CYP4X1: variants seen among roughly 807,000 people sequenced by gnomAD.
CYP4X1 encodes cytochrome P450 family 4 subfamily X member 1.
CYP4X1 carries 44 observed loss-of-function variants against 57.9 expected under a neutral mutation model. That is an observed-to-expected ratio of 0.76 (90% CI 0.60 to 0.98). CYP4X1 has a LOEUF of 0.98. Ranked by LOEUF, CYP4X1 falls within the 50% of genes least tolerant of loss-of-function variation. CYP4X1 has a pLI of 0.00. For synonymous variants in CYP4X1, 227 were observed against 228.6 expected (o/e 0.99, Z 0.06); for missense variants, 532 against 623.9 (o/e 0.85, Z 1.57).
At chr1:46,961,759 G>A in the CYP4X1 span, 1 of 1,311,834 alleles carries the variant, frequency 7.6e-7, no homozygotes, top group Non-Finnish European at 1.0e-6. Flanking sequence ...GTGGATTGGT[G>A]AGTAAGCACC....
downstream of CYP4X1, among the ~76,000 whole-genome samples, chr1:47,053,680 A>G (rs1290158408): frequency 1.3e-5 from 2 of 152,142 alleles, no homozygotes; most frequent in Non-Finnish European, 2.9e-5. Context: ...GATGATGAGC[A>G]TTTTTTCATG....
At chr1:46,974,515 C>T in the CYP4X1 span, among the ~76,000 whole-genome samples, 6 of 152,054 alleles carry the variant, frequency 3.9e-5, no homozygotes, top group African/African-American at 1.2e-4. Context: ...TGTCCAATAT[C>T]GGCAGTGGGG....
chr1:47,009,287 G>A, the CYP4X1 span, among the ~76,000 whole-genome samples: 1 of 151,834 alleles, frequency 6.6e-6, no homozygotes, highest in South Asian at 2.1e-4. Context: ...CATGGAAACT[G>A]AACAACCTGC....
At chr1:47,031,780 G>A (rs1569620840) in intron 3 of CYP4X1, among the ~76,000 whole-genome samples, 1 of 152,272 alleles carries the variant, frequency 6.6e-6, no homozygotes, top group East Asian at 1.9e-4. Flanking sequence ...AGTGACTCAT[G>A]CATGTAATCC....
At position 47,033,369 on chromosome 1, in the gene CYP4X1, G is replaced by A; in HGVS notation, c.492+1G>A. On this transcript the variant is annotated splice_donor_variant, in intron 4 of 11. Transcript: ENST00000371901. LOFTEE classifies it high-confidence loss of function. The stretch of plus-strand genomic sequence containing the variant: ...GGCTCATTCTGTGAAAATGATGCTG[G>A]TAAGTAAAGGGGGAAAGTGCTCTGT... 1 of 1,613,644 alleles carries A rather than the reference G, an allele frequency of 6.2e-7. No individual in the cohort carries two copies.
chr1:46,986,538 A>C, the CYP4X1 span, among the ~76,000 whole-genome samples: 1 of 152,296 alleles, frequency 6.6e-6, no homozygotes, highest in East Asian at 1.9e-4. Flanking sequence ...AGAGAACACC[A>C]CAAAGATACT....
the CYP4X1 span, among the ~76,000 whole-genome samples, chr1:46,987,664 C>T: frequency 1.3e-5 from 2 of 152,098 alleles, no homozygotes; most frequent in Non-Finnish European, 2.9e-5. Flanking sequence ...TGCAAAAGAA[C>T]AGAAATCATA....
In CYP4X1 at chr1:47,023,775, C is replaced by A. The variant is rs1279827503; in HGVS notation, c.-43C>A. On this transcript the variant is annotated 5_prime_UTR_variant, in exon 1 of 12. Coordinates refer to ENST00000371901, the MANE Select transcript of CYP4X1 (RefSeq NM_178033.2). ...CGGGCGGGAGAAAGCCCACCCTCTC[C>A]CGCGCCCCAGGAAACCGCCGGCGTT... The A allele has an allele frequency of 6.3e-7, 1 of 1,591,610 alleles. No individual in the cohort carries two copies. The highest frequency in any genetic ancestry group is 1.3e-5 in the African/African-American group (1 of 74,482).
At chr1:47,025,282 C>T (rs1355671597) in intron 1 of CYP4X1, among the ~76,000 whole-genome samples, 1 of 152,218 alleles carries the variant, frequency 6.6e-6, no homozygotes, top group South Asian at 2.1e-4. Flanking sequence ...CTCCTGTTCA[C>T]TTCCACTATG....
At chr1:47,040,982 C>T (rs890495112) in intron 8 of CYP4X1, among the ~76,000 whole-genome samples, 3 of 152,078 alleles carry the variant, frequency 2.0e-5, no homozygotes, top group Non-Finnish European at 2.9e-5. Context: ...AACCACTGTT[C>T]TACTCTCTGC....
the CYP4X1 span, chr1:47,001,046 G>A: frequency 1.2e-3 from 286 of 232,900 alleles, 9 homozygotes; most frequent in South Asian, 0.016. Context: ...GCCACCTTAA[G>A]CTCGTTCATG....
intron 1 of CYP4X1, 76 bp downstream of exon 1, chr1:47,024,070 G>T (rs1247930301): frequency 6.7e-7 from 1 of 1,501,614 alleles, no homozygotes; most frequent in East Asian, 2.5e-5. Flanking sequence ...AGCCGGCAGA[G>T]AGACGCAGCT....
upstream of CYP4X1, among the ~76,000 whole-genome samples, chr1:47,021,956 C>A (rs977374590): frequency 2.0e-5 from 3 of 152,164 alleles, no homozygotes; most frequent in Admixed American, 6.5e-5. Context: ...AGCTCTGGGG[C>A]AGAGCATGGA....
chr1:46,977,878 C>G, the CYP4X1 span, among the ~76,000 whole-genome samples: 1 of 151,894 alleles, frequency 6.6e-6, no homozygotes, highest in Non-Finnish European at 1.5e-5. Context: ...CCAAACTAAG[C>G]TTCATAAGAG....
rs1644288216 is a variant in CYP4X1 at position 47,045,170 on chromosome 1, A to G, written c.1074-1297A>G. ...TGAGCTTGAGGAAGAAAGAATTCAA[A>G]ATTAAAATTTCACATTACCTAATGG... On this transcript the variant is annotated intron_variant, in intron 8 of 11. Transcript: ENST00000371901. 2.0e-5 allele frequency among the ~76,000 whole-genome samples: 3 copies of G among 152,194 alleles called. No individual in the cohort carries two copies. The South Asian group carries it at 6.2e-4, about 32-fold the overall frequency.
At chr1:47,038,989 T>C (rs987691091) in intron 7 of CYP4X1, among the ~76,000 whole-genome samples, 2 of 152,108 alleles carry the variant, frequency 1.3e-5, no homozygotes, top group African/African-American at 4.8e-5. Context: ...TTTGACAAGA[T>C]TTGAGGATTG....
chr1:47,045,218 G>C (rs1003736270), intron 8 of CYP4X1, among the ~76,000 whole-genome samples: 1 of 152,144 alleles, frequency 6.6e-6, no homozygotes, highest in Non-Finnish European at 1.5e-5. Context: ...TTCAAAATAA[G>C]TAATCAGAAA....
At chr1:47,002,625 A>G in the CYP4X1 span, among the ~76,000 whole-genome samples, 1 of 152,252 alleles carries the variant, frequency 6.6e-6, no homozygotes, top group African/African-American at 2.4e-5. Context: ...CCATTCCTGC[A>G]GCCTTTGAGA....
At chr1:47,008,478 T>G in the CYP4X1 span, among the ~76,000 whole-genome samples, 1 of 152,138 alleles carries the variant, frequency 6.6e-6, no homozygotes, top group African/African-American at 2.4e-5. Context: ...CATGCCACAT[T>G]GTAAAGACCA....
Sources: allele counts gnomAD v4.1 joint callset (sites outside exome capture counted in the v4.1 genomes callset), GRCh38; gene constraint gnomAD v4.1.1; transcripts MANE v1.5; gene names NCBI Gene and HGNC (gene_info 2026-07-23, HGNC 2026-07-21).